DAB2IP: variants seen among roughly 807,000 people sequenced by gnomAD.
DAB2IP encodes the protein DAB2 interacting protein, also known as disabled homolog 2-interacting protein.
A neutral mutation model predicts 107.2 loss-of-function variants in DAB2IP; 28 were observed. The observed-to-expected ratio is 0.26, with a 90% confidence interval of 0.19 to 0.36. The LOEUF is 0.36. Among genes scored for constraint, DAB2IP ranks in the 10% least tolerant of loss-of-function variants. The probability of loss-of-function intolerance (pLI) is 1.00; values close to 1 mark genes in which losing one functional copy is unlikely to be tolerated. For missense variants in DAB2IP, 1,400 were observed against 1,644.7 expected, an observed-to-expected ratio of 0.85 and a Z score of 2.57; for synonymous variants, 755 against 706.4, an observed-to-expected ratio of 1.07 and a Z score of -1.09.
intron 1 of DAB2IP, among the ~76,000 whole-genome samples, chr9:121,622,126 C>T (rs1424957575): frequency 2.0e-5 from 3 of 151,538 alleles, no homozygotes; most frequent in Non-Finnish European, 2.9e-5. Flanking sequence ...GTAGCTGGGA[C>T]TACAGGCGTG....
intron 10 of DAB2IP, among the ~76,000 whole-genome samples, chr9:121,769,492 A>C (rs1334888289): frequency 6.6e-6 from 1 of 152,152 alleles, no homozygotes; most frequent in Non-Finnish European, 1.5e-5. Flanking sequence ...TTGTCAGTGC[A>C]ATCTCCACCA....
At chr9:121,582,336 C>G (rs1830217001) in intron 1 of DAB2IP, among the ~76,000 whole-genome samples, 1 of 152,132 alleles carries the variant, frequency 6.6e-6, no homozygotes, top group Admixed American at 6.6e-5. Context: ...GCCGGCAGCC[C>G]AAAGCCCCCT....
chr9:121,598,477 G>A (rs1438893211), intron 1 of DAB2IP: 1 of 152,244 alleles, frequency 6.6e-6, no homozygotes, highest in African/African-American at 2.4e-5. Context: ...CAGGTGCCGC[G>A]GAGGGTGGCA....
intron 1 of DAB2IP, among the ~76,000 whole-genome samples, chr9:121,666,739 A>T (rs1833450385): frequency 6.6e-6 from 1 of 152,082 alleles, no homozygotes. Flanking sequence ...CGTTCTGCAC[A>T]TGTATCCCAG....
intron 2 of DAB2IP, among the ~76,000 whole-genome samples, chr9:121,691,177 G>T (rs1024883285): frequency 6.6e-6 from 1 of 152,204 alleles, no homozygotes; most frequent in Non-Finnish European, 1.5e-5. Flanking sequence ...ATACCTGCCA[G>T]GCGTCCAGCA....
At chr9:121,652,493 G>T (rs776918003) in intron 1 of DAB2IP, among the ~76,000 whole-genome samples, 35 of 152,158 alleles carry the variant, frequency 2.3e-4, no homozygotes, top group Non-Finnish European at 3.4e-4. Context: ...CTGGAAATGC[G>T]TGTGATCCCG....
At chr9:121,763,799 G>C in exon 8 of DAB2IP, 1 of 1,614,086 alleles carries the variant, frequency 6.2e-7, no homozygotes, top group Non-Finnish European at 8.5e-7. Context: ...GCAAGTGCTC[G>C]GCCGCTGACC....
At chr9:121,770,931 T>C (rs984733801) in intron 11 of DAB2IP, among the ~76,000 whole-genome samples, 1 of 150,326 alleles carries the variant, frequency 6.7e-6, no homozygotes, top group Non-Finnish European at 1.5e-5. Flanking sequence ...GCTATAGGTT[T>C]GTTTTGTTTT....
chr9:121,749,480 G>T, intron 3 of DAB2IP, among the ~76,000 whole-genome samples: 1 of 152,234 alleles, frequency 6.6e-6, no homozygotes, highest in East Asian at 1.9e-4. Context: ...GCCAGCCTTT[G>T]GGTGGGCACC....
Position 121,782,981 on chromosome 9 carries a change from G to T in DAB2IP, c.*483G>T. 9.8e-7 allele frequency: 1 copy of T among 1,021,782 alleles called. No homozygotes were observed. Among genetic ancestry groups the T allele is most frequent in the Non-Finnish European group, 1.2e-6 (1 of 851,764 alleles). The allele number at this position is 1,021,782 out of a possible 1,614,324, so 63.3% of individuals were successfully genotyped here. ...GCCAGGCCCTGTCATGTGGGACCTG[G>T]CACTTGGCAGATCAGTTGGCAGGCA... On this transcript the variant is annotated 3_prime_UTR_variant, in exon 16 of 16. Coordinates refer to ENST00000408936, the Ensembl canonical transcript of DAB2IP. The surrounding 1 kb of genome is among the most constrained non-coding windows in gnomAD (Gnocchi z 6.1).
At chr9:121,717,695 G>A (rs1017460161) in intron 3 of DAB2IP, among the ~76,000 whole-genome samples, 1 of 152,210 alleles carries the variant, frequency 6.6e-6, no homozygotes, top group African/African-American at 2.4e-5. Flanking sequence ...ACTGAGAGGA[G>A]GCCCGGGTGA....
At chr9:121,759,276 G>A (rs1274136927) in intron 5 of DAB2IP, among the ~76,000 whole-genome samples, 2 of 152,184 alleles carry the variant, frequency 1.3e-5, no homozygotes, top group Non-Finnish European at 2.9e-5. Flanking sequence ...GGGACCCCTT[G>A]TCCCTACTCC....
At chr9:121,577,206 C>A (rs1346392131) in intron 1 of DAB2IP, among the ~76,000 whole-genome samples, 1 of 152,216 alleles carries the variant, frequency 6.6e-6, no homozygotes, top group Non-Finnish European at 1.5e-5. Context: ...CTGGACACAG[C>A]CCCAGCCAGT....
intron 1 of DAB2IP, among the ~76,000 whole-genome samples, chr9:121,658,361 G>A (rs929657408): frequency 9.2e-5 from 14 of 152,132 alleles, no homozygotes; most frequent in Admixed American, 7.9e-4. Context: ...GTAGGTATTC[G>A]GGGAGTCTAT....
Position 121,742,774 on chromosome 9 carries a change from C to G in DAB2IP, c.363-14239C>G, listed in dbSNP as rs1033238543. 4.1e-6 allele frequency: 4 copies of G among 985,508 alleles called. No homozygotes were observed. In the Admixed American group the frequency reaches 1.8e-4, roughly 45 times the overall value. The allele number at this position is 985,508 out of a possible 1,614,324, so 61.0% of individuals were successfully genotyped here. On this transcript the variant is annotated intron_variant, in intron 3 of 15. Coordinates refer to ENST00000408936, the Ensembl canonical transcript of DAB2IP. ...GACTGCCCGCTTTTCTCTGCTTTCACCTTCCCCTAGTGTTCCTCTTCTTTC... is the reference window on the plus strand; with the variant it reads ...GACTGCCCGCTTTTCTCTGCTTTCAGCTTCCCCTAGTGTTCCTCTTCTTTC...
chr9:121,591,355 G>C (rs1421262085), intron 1 of DAB2IP, among the ~76,000 whole-genome samples: 1 of 152,198 alleles, frequency 6.6e-6, no homozygotes, highest in East Asian at 1.9e-4. Flanking sequence ...TGTAATTCCA[G>C]CTACTCAGGA....
At chr9:121,688,879 C>T (rs990929091) in intron 2 of DAB2IP, among the ~76,000 whole-genome samples, 4 of 152,142 alleles carry the variant, frequency 2.6e-5, no homozygotes, top group East Asian at 3.9e-4. Context: ...CTTCTGCCAG[C>T]CCCCACACTT....
At chr9:121,672,873 G>A (rs1833737351) in intron 1 of DAB2IP, among the ~76,000 whole-genome samples, 1 of 152,206 alleles carries the variant, frequency 6.6e-6, no homozygotes, top group Non-Finnish European at 1.5e-5. Flanking sequence ...TGTGGTGCTA[G>A]ACCTATGGGA....
intron 2 of DAB2IP, among the ~76,000 whole-genome samples, chr9:121,693,588 CGG>C (rs1829271162): frequency 6.6e-6 from 1 of 152,244 alleles, no homozygotes; most frequent in Non-Finnish European, 1.5e-5. Context: ...TGGGAGGAGC[CGG>C]GCCTTGGCGG....
Sources: gnomAD v4.1 joint callset for allele counts (sites outside exome capture counted in the v4.1 genomes callset) on GRCh38, gnomAD v4.1.1 for gene constraint, Gnocchi (gnomAD v3.1) non-coding constraint, MANE v1.5 for transcripts, NCBI Gene and HGNC (gene_info 2026-07-23, HGNC 2026-07-21) for gene names.